The following NCOA7 variants were observed in gnomAD, a reference collection of about 807,000 sequenced individuals.
The protein encoded by NCOA7 is nuclear receptor coactivator 7, also known as 140 kDa estrogen receptor-associated protein.
In NCOA7, 45 loss-of-function variants were observed where a neutral mutation model predicts 104.3. That is an observed-to-expected ratio of 0.43 (90% confidence interval 0.34 to 0.55). NCOA7 has a LOEUF of 0.55. Ranked by LOEUF, NCOA7 falls within the 20% of genes least tolerant of loss-of-function variation. The probability of loss-of-function intolerance (pLI) is 0.02; values close to 1 mark genes in which losing one functional copy is unlikely to be tolerated. For synonymous variants in NCOA7, 398 were observed against 402.3 expected (o/e 0.99, Z 0.13); for missense variants, 1,041 against 1,119.7 (o/e 0.93, Z 1.00).
At chr6:125,870,771 C>T (rs1425217352) in intron 3 of NCOA7, among the ~76,000 whole-genome samples, 1 of 152,128 alleles carries the variant, frequency 6.6e-6, no homozygotes, top group Admixed American at 6.5e-5. Flanking sequence ...ATCTTAGAGT[C>T]TTGTGTTCTG....
intron 7 of NCOA7, among the ~76,000 whole-genome samples, chr6:125,883,199 A>G (rs1254542847): frequency 6.6e-6 from 1 of 152,110 alleles, no homozygotes; most frequent in Non-Finnish European, 1.5e-5. Flanking sequence ...GAGCCTCTGG[A>G]GAAGGGACTA....
chr6:125,911,917 G>A (rs1469857193), intron 10 of NCOA7, among the ~76,000 whole-genome samples: 2 of 152,140 alleles, frequency 1.3e-5, no homozygotes. Flanking sequence ...CCCCACGTTA[G>A]TAAATCTACT....
chr6:125,795,864 A>C (rs572128207), intron 1 of NCOA7, among the ~76,000 whole-genome samples: 1 of 152,300 alleles, frequency 6.6e-6, no homozygotes, highest in Non-Finnish European at 1.5e-5. Flanking sequence ...AAACCTGATG[A>C]AAGTTCAAGT....
intron 1 of NCOA7, among the ~76,000 whole-genome samples, chr6:125,806,270 G>T (rs189280757): frequency 6.6e-6 from 1 of 152,074 alleles, no homozygotes; most frequent in Non-Finnish European, 1.5e-5. Flanking sequence ...GAACCCAGGA[G>T]GGGGGGATTA....
chr6:125,856,721 A>G (rs186270190), intron 3 of NCOA7, among the ~76,000 whole-genome samples: 40 of 152,234 alleles, frequency 2.6e-4, no homozygotes, highest in African/African-American at 9.6e-4. Context: ...AGGTCATGGC[A>G]TACTTGAGAT....
At chr6:125,790,546 G>C (rs1224672005), upstream of NCOA7, among the ~76,000 whole-genome samples, 1 of 152,108 alleles carries the variant, frequency 6.6e-6, no homozygotes, top group Non-Finnish European at 1.5e-5. Flanking sequence ...GGTAGCCGGG[G>C]TGCCCAGCCT....
At chr6:125,812,146 A>C (rs990084022) in intron 1 of NCOA7, among the ~76,000 whole-genome samples, 3 of 152,208 alleles carry the variant, frequency 2.0e-5, no homozygotes. Context: ...GTAGGCAGGC[A>C]TCAAGATTAG....
chr6:125,853,292 A>G (rs1399964197), intron 2 of NCOA7, among the ~76,000 whole-genome samples: 6 of 152,210 alleles, frequency 3.9e-5, no homozygotes, highest in Non-Finnish European at 1.5e-5. Flanking sequence ...TATCAAATCT[A>G]GGAATCTTAT....
intron 10 of NCOA7, among the ~76,000 whole-genome samples, chr6:125,906,996 A>G (rs1404714762): frequency 6.6e-6 from 1 of 152,204 alleles, no homozygotes; most frequent in African/African-American, 2.4e-5. Flanking sequence ...GAAGAGGGAC[A>G]TTGACTCCTT....
At position 125,921,051 on chromosome 6, in the gene NCOA7, A is replaced by C; in HGVS notation, c.2353A>C (p.Asn785His). The C allele has an allele frequency of 6.2e-7, 1 of 1,613,336 alleles. No individual in the cohort carries two copies. The highest frequency in any genetic ancestry group is 8.5e-7 in the Non-Finnish European group (1 of 1,179,552). ...ACGGCCCCACAGCGCGCTCCTGGAG[A>C]ATATGCACATCGAGCAGGTGGGCTC... The part of the protein sequence containing the change: ...VLRPHSALLE[N>H]MHIEQLARRL... Residue 785 changes from asparagine (N) to histidine (H), a missense_variant, in exon 12 of 16, where the codon AAT (asparagine) becomes CAT (histidine). Asn to His is a moderately conservative substitution (Grantham distance 68, BLOSUM62 1). Transcript: ENST00000392477.
chr6:125,902,185 A>AC (rs1316735393), intron 10 of NCOA7, among the ~76,000 whole-genome samples: 1 of 151,856 alleles, frequency 6.6e-6, no homozygotes, highest in Non-Finnish European at 1.5e-5. Flanking sequence ...CCTTGCAGAG[A>AC]CCCCACCCTT....
intron 2 of NCOA7, among the ~76,000 whole-genome samples, chr6:125,837,226 G>A (rs1010150686): frequency 1.3e-5 from 2 of 151,920 alleles, no homozygotes; most frequent in African/African-American, 4.8e-5. Flanking sequence ...CATCTTTCCC[G>A]GATTGAAGTT....
At chr6:125,832,758 G>A (rs961126841) in intron 2 of NCOA7, among the ~76,000 whole-genome samples, 9 of 152,214 alleles carry the variant, frequency 5.9e-5, no homozygotes, top group African/African-American at 2.2e-4. Flanking sequence ...TCAGCACCAA[G>A]CTTAGCTCCT....
At chr6:125,832,131 A>G (rs1442469755) in intron 2 of NCOA7, among the ~76,000 whole-genome samples, 2 of 152,198 alleles carry the variant, frequency 1.3e-5, no homozygotes, top group East Asian at 3.8e-4. Context: ...TTTGATTGAC[A>G]GTTAAAATCT....
At chr6:125,921,364 C>G (rs1380039915) in intron 12 of NCOA7, among the ~76,000 whole-genome samples, 2 of 151,836 alleles carry the variant, frequency 1.3e-5, no homozygotes, top group Non-Finnish European at 2.9e-5. Context: ...GAGCCAAGAT[C>G]GCACCACTGC....
intron 1 of NCOA7, among the ~76,000 whole-genome samples, chr6:125,815,048 A>G (rs1777454568): frequency 6.6e-6 from 1 of 152,138 alleles, no homozygotes; most frequent in Non-Finnish European, 1.5e-5. Flanking sequence ...AATAGTTGTT[A>G]GTTGTGAGGA....
chr6:125,829,658 T>G (rs2128590090), intron 2 of NCOA7, among the ~76,000 whole-genome samples: 1 of 147,340 alleles, frequency 6.8e-6, no homozygotes, highest in Non-Finnish European at 1.5e-5. Context: ...ACTAGTAAAT[T>G]TCTTTTCCTG....
intron 2 of NCOA7, among the ~76,000 whole-genome samples, chr6:125,843,346 G>A (rs1446173008): frequency 6.6e-6 from 1 of 152,146 alleles, no homozygotes; most frequent in East Asian, 1.9e-4. Context: ...TGGACGCCTT[G>A]ATTTCAGCCT....
chr6:125,889,039 A>C lies in NCOA7; in HGVS notation c.985A>C (p.Asn329His), dbSNP rs116306619. ...INPFSKFKSI[N>H]KEKRQQNGEK... is the part of the protein sequence containing the mutation. Reference sequence around the variant, plus strand: ...CCCATTCAGTAAGTTCAAATCTATCAACAAGGAAAAACGACAGCAGAATGG... The same window carrying C: ...CCCATTCAGTAAGTTCAAATCTATCCACAAGGAAAAACGACAGCAGAATGG... Residue 329 changes from asparagine (N) to histidine (H), a missense_variant, in exon 9 of 16, where the codon AAC becomes CAC. Coordinates refer to ENST00000392477, the MANE Select transcript of NCOA7 (RefSeq NM_181782.5). The C allele has an allele frequency of 1.0e-3, 1,666 of 1,614,134 alleles. 14 individuals carry two copies. In the African/African-American group the frequency reaches 0.02, roughly 19 times the overall value.
Sources: allele counts gnomAD v4.1 joint callset (sites outside exome capture counted in the v4.1 genomes callset), GRCh38; gene constraint gnomAD v4.1.1; transcripts MANE v1.5; gene names NCBI Gene and HGNC (gene_info 2026-07-23, HGNC 2026-07-21).